The following WHRN variants were observed in gnomAD, a reference collection of about 807,000 sequenced individuals.
The protein encoded by WHRN is CASK-interacting protein CIP98.
WHRN carries 41 observed loss-of-function variants against 68.3 expected under a neutral mutation model. The observed-to-expected ratio is 0.60, with a 90% confidence interval of 0.47 to 0.78. The LOEUF is 0.78. Ranked by LOEUF, WHRN falls within the 30% of genes least tolerant of loss-of-function variation. The pLI is 0.00. For missense variants in WHRN, 1,243 were observed against 1,244.7 expected (o/e 1.00, Z 0.02); for synonymous variants, 560 against 561.3 (o/e 1.00, Z 0.03).
At chr9:114,499,925 CTT>C (rs775927752) in intron 1 of WHRN, among the ~76,000 whole-genome samples, 13 of 152,176 alleles carry the variant, frequency 8.5e-5, no homozygotes, top group Non-Finnish European at 1.3e-4. Context: ...TTCTATATCT[CTT>C]TCATGTCCAG....
chr9:114,479,675 T>C (rs1445435431), intron 1 of WHRN, among the ~76,000 whole-genome samples: 1 of 152,066 alleles, frequency 6.6e-6, no homozygotes, highest in African/African-American at 2.4e-5. Context: ...CCTAATGAAA[T>C]CCAATGGGGG....
intron 7 of WHRN, among the ~76,000 whole-genome samples, chr9:114,420,473 C>T (rs1836184610): frequency 6.6e-6 from 1 of 152,178 alleles, no homozygotes; most frequent in African/African-American, 2.4e-5. Context: ...GAGGTCACAC[C>T]TGCTAATGAA....
chr9:114,495,282 C>G (rs752190264), intron 1 of WHRN, among the ~76,000 whole-genome samples: 21 of 152,190 alleles, frequency 1.4e-4, no homozygotes, highest in Non-Finnish European at 2.8e-4. Flanking sequence ...ACCCGGTCAA[C>G]AGGATGGACA....
At chr9:114,424,259 C>G (rs1372726426) in intron 6 of WHRN, 75 bp downstream of exon 6, 1 of 1,557,622 alleles carries the variant, frequency 6.4e-7, no homozygotes, top group Non-Finnish European at 8.8e-7. Context: ...AGGTTCTCAG[C>G]AAAGGAGCGG....
intron 9 of WHRN, among the ~76,000 whole-genome samples, chr9:114,405,013 G>A (rs994011100): frequency 6.6e-6 from 1 of 151,770 alleles, no homozygotes; most frequent in Non-Finnish European, 1.5e-5. Flanking sequence ...ACCAGGTGTG[G>A]TGGAATTTCT....
At chr9:114,427,374 A>C (rs982819974) in intron 3 of WHRN, among the ~76,000 whole-genome samples, 15 of 152,250 alleles carry the variant, frequency 9.9e-5, no homozygotes, top group Non-Finnish European at 2.1e-4. Context: ...AAGATGCTGC[A>C]GGGTATGATG....
intron 7 of WHRN, among the ~76,000 whole-genome samples, chr9:114,415,690 A>C (rs1388685412): frequency 1.3e-5 from 2 of 152,216 alleles, no homozygotes; most frequent in African/African-American, 4.8e-5. Context: ...GATCAGCTTC[A>C]AGAGCACAGG....
intron 3 of WHRN, among the ~76,000 whole-genome samples, chr9:114,427,938 TC>T (rs1409083689): frequency 9.8e-5 from 15 of 152,302 alleles, no homozygotes; most frequent in African/African-American, 3.6e-4. Context: ...TAGCTCACGA[TC>T]AAGGGTGAGC....
intron 3 of WHRN, among the ~76,000 whole-genome samples, chr9:114,444,509 T>G (rs1162436710): frequency 6.6e-6 from 1 of 151,796 alleles, no homozygotes; most frequent in African/African-American, 2.4e-5. Context: ...GTACAAATAG[T>G]CAAACAGTAA....
intron 3 of WHRN, among the ~76,000 whole-genome samples, chr9:114,456,388 C>T (rs1839799912): frequency 8.4e-6 from 1 of 118,348 alleles, no homozygotes; most frequent in African/African-American, 3.1e-5. Flanking sequence ...ATTTCCATAA[C>T]CACACTGCAA....
chr9:114,471,160 G>A (rs1259239199), intron 2 of WHRN, among the ~76,000 whole-genome samples: 1 of 152,168 alleles, frequency 6.6e-6, no homozygotes, highest in Non-Finnish European at 1.5e-5. Context: ...ATGACACTGT[G>A]AGAAGCAGCC....
In WHRN at chr9:114,407,969, TTGA is replaced by T; in HGVS notation, c.1673_1675del (p.Ile558del). On this transcript the variant is annotated inframe_deletion, in exon 8 of 12. Coordinates refer to ENST00000362057, the MANE Select transcript of WHRN (RefSeq NM_015404.4). ...TACCACGGACACATCTGGGAGGGCG[TTGA>T]TATTGCCCTGGACAGCCTCGCCAGT... The T allele has an allele frequency of 6.2e-7, 1 of 1,603,842 alleles. No individual in the cohort carries two copies. The highest frequency in any genetic ancestry group is 8.5e-7 in the Non-Finnish European group (1 of 1,174,542).
chr9:114,446,077 C>T (rs1391026250), intron 3 of WHRN, among the ~76,000 whole-genome samples: 6 of 152,254 alleles, frequency 3.9e-5, no homozygotes, highest in African/African-American at 1.4e-4. Flanking sequence ...AAGAGAATGA[C>T]AGAAACTACA....
intron 3 of WHRN, among the ~76,000 whole-genome samples, chr9:114,431,905 G>A (rs779163823): frequency 2.6e-4 from 40 of 152,176 alleles, no homozygotes; most frequent in Non-Finnish European, 5.0e-4. Context: ...ACAGCTAACC[G>A]TGGAAACACT....
chr9:114,444,580 G>C (rs1017014912), intron 3 of WHRN, among the ~76,000 whole-genome samples: 1 of 151,820 alleles, frequency 6.6e-6, no homozygotes, highest in African/African-American at 2.4e-5. Flanking sequence ...TCTTAAAAAC[G>C]CATCTCCATT....
At chr9:114,495,874 G>T (rs898414368) in intron 1 of WHRN, among the ~76,000 whole-genome samples, 1 of 152,156 alleles carries the variant, frequency 6.6e-6, no homozygotes, top group African/African-American at 2.4e-5. Flanking sequence ...CTCCGTCCAG[G>T]GACAGGAGGA....
chr9:114,418,983 CA>C lies in WHRN; in HGVS notation c.1626+4330del, dbSNP rs550471715. On this transcript the variant is annotated intron_variant, in intron 7 of 11. Coordinates refer to ENST00000362057, the MANE Select transcript of WHRN (RefSeq NM_015404.4). ...CCAGAACCTCAAAATGTACATAGCA[CA>C]CAGTAAATGCTCAATATTTGTTAAC... 3.8e-4 allele frequency among the ~76,000 whole-genome samples: 58 copies of C among 152,236 alleles called. No individual in the cohort carries two copies. In the South Asian group the frequency reaches 5.8e-3, roughly 15 times the overall value.
intron 7 of WHRN, among the ~76,000 whole-genome samples, chr9:114,409,350 G>T (rs972830636): frequency 1.3e-5 from 2 of 152,208 alleles, no homozygotes; most frequent in Non-Finnish European, 2.9e-5. Flanking sequence ...GGCAAACACA[G>T]GCATATAATG....
intron 3 of WHRN, among the ~76,000 whole-genome samples, chr9:114,434,206 C>CTGAGACATGGAAGGGTCCGTG (rs1429603440): frequency 1.3e-5 from 2 of 152,198 alleles, no homozygotes; most frequent in East Asian, 3.8e-4. Flanking sequence ...TAGGCACCGC[C>CTGAGACATGGAAGGGTCCGTG]TGAGACATGG....
Sources: allele counts gnomAD v4.1 joint callset (sites outside exome capture counted in the v4.1 genomes callset), GRCh38; gene constraint gnomAD v4.1.1; transcripts MANE v1.5; gene names NCBI Gene and HGNC (gene_info 2026-07-23, HGNC 2026-07-21).